SORCS2: variants seen among roughly 807,000 people sequenced by gnomAD.
SORCS2 encodes VPS10 domain-containing receptor SorCS2.
SORCS2 carries 100 observed loss-of-function variants against 141.6 expected under a neutral mutation model. The ratio of observed to expected loss-of-function variants is 0.71; its 90% CI spans 0.60 to 0.83. The LOEUF (loss-of-function observed/expected upper bound fraction) is 0.83, where lower values mean the gene tolerates loss of function less well. Ranked by LOEUF, SORCS2 falls within the 40% of genes least tolerant of loss-of-function variation. The probability of loss-of-function intolerance (pLI) is 0.00; values close to 1 mark genes in which losing one functional copy is unlikely to be tolerated. For missense variants in SORCS2, 1,646 were observed against 1,560.2 expected (o/e 1.05, Z -0.93); for synonymous variants, 789 against 676.9 (o/e 1.17, Z -2.57).
chr4:7,233,169 T>A lies in SORCS2; in HGVS notation c.480+40043T>A, dbSNP rs751093779. Among the ~76,000 whole-genome samples, 11 of 152,240 alleles carry A rather than the reference T, an allele frequency of 7.2e-5. No individual in the cohort carries two copies. Among genetic ancestry groups the A allele is most frequent in the South Asian group, 2.1e-4 (1 of 4,824 alleles). On this transcript the variant is annotated intron_variant, in intron 1 of 26. Coordinates refer to ENST00000507866, the MANE Select transcript of SORCS2 (RefSeq NM_020777.3). The surrounding 1 kb of genome is among the most constrained non-coding windows in gnomAD (Gnocchi z 4.5). ...AAGGTACCCGAGGGAGGCCAGGTAC[T>A]GTCACTGCAGGCAGCAGGAACGGCA... is the stretch of plus-strand genomic sequence containing the variant.
intron 17 of SORCS2, among the ~76,000 whole-genome samples, chr4:7,716,774 C>T (rs770214476): frequency 3.9e-5 from 6 of 152,246 alleles, no homozygotes; most frequent in Admixed American, 1.3e-4. Flanking sequence ...TGCACATCCA[C>T]CTGGGCTTGA....
At chr4:7,268,458 C>T (rs765923134) in intron 1 of SORCS2, among the ~76,000 whole-genome samples, 5 of 152,184 alleles carry the variant, frequency 3.3e-5, no homozygotes, top group Admixed American at 1.3e-4. Context: ...GCAATGGGGC[C>T]GTCAAACTGA....
intron 2 of SORCS2, among the ~76,000 whole-genome samples, chr4:7,460,602 ACAGCTG>A (rs1252521604): frequency 6.6e-6 from 1 of 152,168 alleles, no homozygotes; most frequent in Non-Finnish European, 1.5e-5. Flanking sequence ...GTCTGTGGGA[ACAGCTG>A]CAGGCATGTC....
intron 2 of SORCS2, among the ~76,000 whole-genome samples, chr4:7,446,169 G>C (rs1426201822): frequency 6.6e-6 from 1 of 151,024 alleles, no homozygotes; most frequent in Non-Finnish European, 1.5e-5. Flanking sequence ...ATAAAGGAAG[G>C]AGGTAGGGAG....
intron 18 of SORCS2, among the ~76,000 whole-genome samples, chr4:7,720,105 G>A (rs747997156): frequency 2.0e-5 from 3 of 152,106 alleles, no homozygotes; most frequent in African/African-American, 7.2e-5. Context: ...TCTCAAACTC[G>A]CAGATTTGTA....
intron 1 of SORCS2, among the ~76,000 whole-genome samples, chr4:7,295,770 C>T (rs1019784837): frequency 3.3e-5 from 5 of 152,224 alleles, no homozygotes; most frequent in Non-Finnish European, 5.9e-5. Flanking sequence ...GAGGTGTGGC[C>T]TCCTGGGATG....
intron 23 of SORCS2, among the ~76,000 whole-genome samples, chr4:7,730,713 G>A (rs761623350): frequency 6.6e-6 from 1 of 152,206 alleles, no homozygotes; most frequent in Non-Finnish European, 1.5e-5. Flanking sequence ...AAATAGATGA[G>A]TTGTTGCCAG....
intron 3 of SORCS2, among the ~76,000 whole-genome samples, chr4:7,614,569 A>C (rs1718630461): frequency 6.7e-6 from 1 of 148,340 alleles, no homozygotes; most frequent in Non-Finnish European, 1.5e-5. Flanking sequence ...CTGTCCATCC[A>C]TCCATCCATC....
intron 12 of SORCS2, among the ~76,000 whole-genome samples, chr4:7,697,721 T>G (rs369610868): frequency 4.6e-5 from 7 of 151,618 alleles, no homozygotes; most frequent in African/African-American, 1.7e-4. Flanking sequence ...GACTCCGGGT[T>G]CCTGGCAGGG....
intron 2 of SORCS2, among the ~76,000 whole-genome samples, chr4:7,476,435 A>G (rs1263550019): frequency 6.6e-6 from 1 of 152,094 alleles, no homozygotes; most frequent in African/African-American, 2.4e-5. Context: ...CAATGCCTTC[A>G]ATGGATTGGA....
chr4:7,242,258 T>C (rs1389565773), intron 1 of SORCS2, among the ~76,000 whole-genome samples: 4 of 152,148 alleles, frequency 2.6e-5, no homozygotes, highest in African/African-American at 9.7e-5. Context: ...TGCAGTGGTA[T>C]GATCACAAAT....
At chr4:7,450,538 G>A (rs1327247910) in intron 2 of SORCS2, among the ~76,000 whole-genome samples, 1 of 152,174 alleles carries the variant, frequency 6.6e-6, no homozygotes, top group Non-Finnish European at 1.5e-5. Context: ...TGCCCCGCAG[G>A]ACTCACCACA....
intron 3 of SORCS2, among the ~76,000 whole-genome samples, chr4:7,570,071 A>G (rs779294721): frequency 6.6e-6 from 1 of 152,188 alleles, no homozygotes; most frequent in South Asian, 2.1e-4. Flanking sequence ...GCCCCCATAA[A>G]TCGGATCCTG....
At chr4:7,639,916 T>G (rs535385195) in intron 4 of SORCS2, among the ~76,000 whole-genome samples, 62 of 95,396 alleles carry the variant, frequency 6.5e-4, no homozygotes, top group African/African-American at 2.3e-3. Context: ...TGTGGGTGTG[T>G]GTGTGTTTGT....
chr4:7,734,561 C>G (rs1712003791), intron 25 of SORCS2, among the ~76,000 whole-genome samples, 187 bp downstream of exon 25: 1 of 152,062 alleles, frequency 6.6e-6, no homozygotes, highest in East Asian at 1.9e-4. Context: ...TGTGGGGTCC[C>G]TGGAAGAGAC....
intron 1 of SORCS2, among the ~76,000 whole-genome samples, chr4:7,279,521 T>C (rs1241565413): frequency 6.6e-6 from 1 of 152,196 alleles, no homozygotes; most frequent in Non-Finnish European, 1.5e-5. Context: ...CGGCTCAAAA[T>C]GCAGTTTGAT....
chr4:7,272,216 C>G (rs573737300), intron 1 of SORCS2, among the ~76,000 whole-genome samples: 1 of 152,314 alleles, frequency 6.6e-6, no homozygotes, highest in South Asian at 2.1e-4. Flanking sequence ...GCAAGTTTCT[C>G]CAGGCTAGGA....
chr4:7,211,878 C>G (rs1728080629), intron 1 of SORCS2, among the ~76,000 whole-genome samples: 1 of 152,212 alleles, frequency 6.6e-6, no homozygotes, highest in Admixed American at 6.5e-5. Context: ...CCCTTTTACT[C>G]TCTCCCCACC....
At position 7,439,159 on chromosome 4, in the gene SORCS2, G is replaced by GAGGA. The variant is rs202180753; in HGVS notation, c.548+42821_548+42824dup. ...TACCTCTTCCTGACATGGGGTGAAA[G>GAGGA]AGGAAGGAAGGAAGGAAGGAGTTTG... On this transcript the variant is annotated intron_variant, in intron 2 of 26. Transcript: ENST00000507866. 4.3e-4 allele frequency among the ~76,000 whole-genome samples: 65 copies of GAGGA among 151,740 alleles called. No individual in the cohort carries two copies. The East Asian group carries it at 0.011, about 26-fold the overall frequency.
Sources: gnomAD v4.1 joint callset for allele counts (sites outside exome capture counted in the v4.1 genomes callset) on GRCh38, gnomAD v4.1.1 for gene constraint, Gnocchi (gnomAD v3.1) non-coding constraint, MANE v1.5 for transcripts, NCBI Gene and HGNC (gene_info 2026-07-23, HGNC 2026-07-21) for gene names.